Variants in ZNF836 observed in about 807,000 individuals in gnomAD.
The protein encoded by ZNF836 is zinc finger protein 836.
A neutral mutation model predicts 7.4 loss-of-function variants in ZNF836; 12 were observed. The ratio of observed to expected loss-of-function variants is 1.61; its 90% CI spans 1.03 to 2.61. The LOEUF is 2.61. Among genes scored for constraint, ZNF836 ranks in the 30% most tolerant of loss-of-function variants. The pLI is 0.00. For missense variants in ZNF836, 998 were observed against 1,126.2 expected, an observed-to-expected ratio of 0.89 and a Z score of 1.63; for synonymous variants, 365 against 382.6, an observed-to-expected ratio of 0.95 and a Z score of 0.54.
rs761408107 is a variant in ZNF836, at chr19:52,156,002, T to C, written c.1681A>G (p.Lys561Glu). The C allele has an allele frequency of 2.0e-5, 33 of 1,613,950 alleles. No homozygotes were observed. The highest frequency in any genetic ancestry group is 3.3e-5 in the Admixed American group (2 of 60,002). ...EQPYKCNVCG[K>E]VFNYSGNLSI... ...AGGTTTCCACTGTAATTGAAGACCTTGCCACACACATTACATTTGTAAGGT... is the reference window on the plus strand; with the variant it reads ...AGGTTTCCACTGTAATTGAAGACCTCGCCACACACATTACATTTGTAAGGT... The change falls in exon 5 of 5, where the codon AAG becomes GAG. Residue 561 changes from lysine (K) to glutamate (E), a missense_variant. Lys to Glu is a moderately conservative substitution (Grantham distance 56, BLOSUM62 1). Coordinates refer to ENST00000682614, the MANE Select transcript of ZNF836 (RefSeq NM_001102657.3).
rs1242553487 is a variant in ZNF836, at chr19:52,156,000, C to T, written c.1683G>A (p.Lys561=). Reference sequence around the variant, plus strand: ...AAAGGTTTCCACTGTAATTGAAGACCTTGCCACACACATTACATTTGTAAG... The same window carrying T: ...AAAGGTTTCCACTGTAATTGAAGACTTTGCCACACACATTACATTTGTAAG... ...EQPYKCNVCG[K]VFNYSGNLSI... is the part of the protein sequence containing the mutation. The change falls in exon 5 of 5, where the codon AAG becomes AAA. Residue 561 remains lysine, a synonymous_variant. Transcript: ENST00000682614. 1 of 1,614,024 alleles carries T rather than the reference C, an allele frequency of 6.2e-7. No homozygotes were observed. The highest frequency in any genetic ancestry group is 8.5e-7 in the Non-Finnish European group (1 of 1,179,890).
chr19:52,159,933 T>TA (rs2122214710), intron 4 of ZNF836, among the ~76,000 whole-genome samples: 1 of 152,156 alleles, frequency 6.6e-6, no homozygotes, highest in East Asian at 1.9e-4. Flanking sequence ...CCTGTAATCC[T>TA]AGCACTTCGG....
intron 3 of ZNF836, among the ~76,000 whole-genome samples, chr19:52,164,451 AGG>A (rs777188928): frequency 0.078 from 6,176 of 79,168 alleles, 184 homozygotes; most frequent in African/African-American, 0.13. Flanking sequence ...GAGAGAGAAA[AGG>A]AAGGAAGGAA....
At position 52,160,535 on chromosome 19, in the gene ZNF836, G is replaced by A. The variant is rs1235618601; in HGVS notation, c.72C>T (p.Ser24=). ...AIEFSQEEWK[S]LDPVQKALYW... ...ACAAAGCTTTCTGCACAGGGTCCAG[G>A]GATTTCCACTCCTCCTGAGAGAATT... Residue 24 remains serine (S), a synonymous_variant, in exon 4 of 5, where the codon TCC becomes TCT. Coordinates refer to ENST00000682614, the MANE Select transcript of ZNF836 (RefSeq NM_001102657.3). The A allele has an allele frequency of 1.2e-6, 2 of 1,613,892 alleles. No homozygotes were observed. The highest frequency in any genetic ancestry group is 8.5e-7 in the Non-Finnish European group (1 of 1,179,966).
Position 52,156,602 on chromosome 19 carries a change from C to A in ZNF836, c.1081G>T (p.Asp361Tyr), listed in dbSNP as rs1479235855. 6.2e-7 allele frequency: 1 copy of A among 1,613,254 alleles called. No homozygotes were observed. The highest frequency in any genetic ancestry group is 8.5e-7 in the Non-Finnish European group (1 of 1,179,524). Residue 361 changes from aspartate (D) to tyrosine (Y), a missense_variant, in exon 5 of 5, where the codon GAT becomes TAT. Coordinates refer to ENST00000682614, the MANE Select transcript of ZNF836 (RefSeq NM_001102657.3). ...IHTGEKPYQCDICGKVFRQNS... is the reference protein window; with the variant it reads ...IHTGEKPYQCYICGKVFRQNS... The stretch of plus-strand genomic sequence containing the variant: ...TGCCTGAAGACCTTGCCACATATAT[C>A]ACATTGATATGGTTTCTCTCCTGTA...
At position 52,171,561 on chromosome 19, in the gene ZNF836, G is replaced by C. The variant is rs2089308448; in HGVS notation, c.-440C>G. On this transcript the variant is annotated 5_prime_UTR_variant, in exon 1 of 5. Transcript: ENST00000682614. The stretch of plus-strand genomic sequence containing the variant: ...TACACGCCCTGAGAAAAAAGACTGA[G>C]AGACCTGGGGCGGGAGAGGGGCCTG... 6.6e-6 allele frequency: 1 copy of C among 152,308 alleles called. No individual in the cohort carries two copies. The allele number at this position is 152,308 out of a possible 1,614,324, so 9.4% of individuals were successfully genotyped here.
intron 4 of ZNF836, among the ~76,000 whole-genome samples, chr19:52,158,090 A>G (rs12609518): frequency 0.15 from 22,945 of 152,154 alleles, 2,029 homozygotes; most frequent in South Asian, 0.36. Context: ...TTTTAAGGAA[A>G]CCTAGTTTCA....
At chr19:52,158,469 G>A (rs1447896761) in intron 4 of ZNF836, among the ~76,000 whole-genome samples, 1 of 152,028 alleles carries the variant, frequency 6.6e-6, no homozygotes, top group Non-Finnish European at 1.5e-5. Context: ...TTCTGGCCGG[G>A]CGCAGTGGCT....
intron 3 of ZNF836, among the ~76,000 whole-genome samples, chr19:52,165,718 C>G (rs1320771798): frequency 6.6e-6 from 1 of 152,178 alleles, no homozygotes; most frequent in African/African-American, 2.4e-5. Context: ...AGATTCTCCA[C>G]TACCCTGAGC....
chr19:52,168,927 G>A (rs570848938), intron 2 of ZNF836, among the ~76,000 whole-genome samples: 1 of 152,254 alleles, frequency 6.6e-6, no homozygotes, highest in Non-Finnish European at 1.5e-5. Flanking sequence ...ATAGGAACAG[G>A]GTAGAACAGT....
rs1464517809 is a variant in ZNF836, at chr19:52,154,357, C to A, written c.*515G>T. ...GACCCACCATGCCTAACGTGCCATA[C>A]ACTTTTAACCAACAAGATCTCAGCC... On this transcript the variant is annotated 3_prime_UTR_variant, in exon 5 of 5. Transcript: ENST00000682614. Among the ~76,000 whole-genome samples the A allele has an allele frequency of 6.6e-6, 1 of 152,056 alleles. No individual in the cohort carries two copies. The highest frequency in any genetic ancestry group is 1.5e-5 in the Non-Finnish European group (1 of 67,992).
At chr19:52,162,289 C>G (rs902216245) in intron 3 of ZNF836, among the ~76,000 whole-genome samples, 1 of 152,234 alleles carries the variant, frequency 6.6e-6, no homozygotes, top group Non-Finnish European at 1.5e-5. Flanking sequence ...GTTGGCCCCA[C>G]CTCCACAGCT....
chr19:52,168,944 C>T (rs1199345564), intron 2 of ZNF836, among the ~76,000 whole-genome samples: 1 of 152,092 alleles, frequency 6.6e-6, no homozygotes, highest in African/African-American at 2.4e-5. Context: ...CAGTTGTTGC[C>T]AGGGGCTGGT....
chr19:52,163,685 T>C (rs1202331437), intron 3 of ZNF836, among the ~76,000 whole-genome samples: 1 of 151,944 alleles, frequency 6.6e-6, no homozygotes, highest in Admixed American at 6.6e-5. Flanking sequence ...CTGAATATAA[T>C]CACTGAAAGG....
intron 3 of ZNF836, among the ~76,000 whole-genome samples, chr19:52,162,671 G>C (rs923184589): frequency 2.0e-5 from 3 of 152,194 alleles, no homozygotes; most frequent in Non-Finnish European, 2.9e-5. Flanking sequence ...ACCAGAAGTG[G>C]GGGTGATTGT....
Position 52,157,277 on chromosome 19 carries a change from A to T in ZNF836, c.406T>A (p.Cys136Ser). 1.9e-6 allele frequency: 3 copies of T among 1,606,044 alleles called. No individual in the cohort carries two copies. The highest frequency in any genetic ancestry group is 2.6e-6 in the Non-Finnish European group (3 of 1,175,136). The change falls in exon 5 of 5, where the codon TGT becomes AGT. Residue 136 changes from cysteine (C) to serine (S), a missense_variant. Cys to Ser is a moderately radical substitution (Grantham distance 112). Coordinates refer to ENST00000682614, the MANE Select transcript of ZNF836 (RefSeq NM_001102657.3). ...QHSQEDVENK[C>S]IENQLTLSFQ... ...CTTAATGTAAGCTGATTTTCAATAC[A>T]TTTGTTTTCTACATCCTCTTGACTA... is the stretch of plus-strand genomic sequence containing the variant.
rs746188379 is a variant in ZNF836, at chr19:52,155,605, G to A, written c.2078C>T (p.Pro693Leu). ...CCCTCCAAACTCATTACAATTGTAA[G>A]GTTTCTCTCCAGTATGAATTATCAG... ...KHLIIHTGEK[P>L]YNCNEFGGAF... Residue 693 changes from proline to leucine, a missense_variant, in exon 5 of 5, where the codon CCT (proline) becomes CTT (leucine). Transcript: ENST00000682614. The A allele has an allele frequency of 1.7e-5, 28 of 1,614,014 alleles. No homozygotes were observed. Among genetic ancestry groups the A allele is most frequent in the Non-Finnish European group, 2.4e-5 (28 of 1,179,936 alleles).
rs1568570455 is a variant in ZNF836 at position 52,157,329 on chromosome 19, G to T, written c.354C>A (p.Asn118Lys). 2 of 1,604,976 alleles carry T rather than the reference G, an allele frequency of 1.2e-6. No homozygotes were observed. The highest frequency in any genetic ancestry group is 2.2e-5 in the South Asian group (2 of 88,914). ...GTTGACCTCTTTTACCATTAAGATT[G>T]TTTTTATAGGTCATTGGCACTTCTT... Reference protein sequence around the residue: ...NYKEVPMTYKNNLNGKRGQHS... With the variant: ...NYKEVPMTYKKNLNGKRGQHS... The change falls in exon 5 of 5, where the codon AAC becomes AAA. Residue 118 changes from asparagine (N) to lysine (K), a missense_variant. Physicochemically the swap from Asn to Lys is moderately conservative, Grantham distance 94. Coordinates refer to ENST00000682614, the MANE Select transcript of ZNF836 (RefSeq NM_001102657.3).
Position 52,155,095 on chromosome 19 carries a change from T to G in ZNF836, c.2588A>C (p.Lys863Thr), listed in dbSNP as rs1385280289. Reference protein sequence around the residue: ...QRNHTGEKPYKCIECGKAFGR... With the variant: ...QRNHTGEKPYTCIECGKAFGR... ...AAAGGCCTTGCCACATTCAATACAT[T>G]TGTATGGCTTCTCTCCAGTGTGATT... The change falls in exon 5 of 5, where the codon AAA becomes ACA. Residue 863 changes from lysine (K) to threonine (T), a missense_variant. Transcript: ENST00000682614. 1 of 1,614,220 alleles carries G rather than the reference T, an allele frequency of 6.2e-7. No individual in the cohort carries two copies. The highest frequency in any genetic ancestry group is 1.1e-5 in the South Asian group (1 of 91,086).
Sources: gnomAD v4.1 joint callset for allele counts (sites outside exome capture counted in the v4.1 genomes callset) on GRCh38, gnomAD v4.1.1 for gene constraint, MANE v1.5 for transcripts, NCBI Gene and HGNC (gene_info 2026-07-23, HGNC 2026-07-21) for gene names.